Variants in DLGAP2 observed in about 807,000 individuals in gnomAD.
The protein encoded by DLGAP2 is DLG associated protein 2.
DLGAP2 carries 26 observed loss-of-function variants against 100.3 expected under a neutral mutation model. The observed-to-expected ratio is 0.26, with a 90% CI of 0.19 to 0.36. The LOEUF is 0.36. DLGAP2 is among the 10% of genes least tolerant of loss of function. The pLI is 1.00. For missense variants in DLGAP2, 1,858 were observed against 1,453.2 expected (o/e 1.28, Z -4.53); for synonymous variants, 886 against 630.1 (o/e 1.41, Z -6.08).
intron 3 of DLGAP2, among the ~76,000 whole-genome samples, chr8:1,373,178 T>C (rs1437692767): frequency 6.6e-6 from 1 of 152,170 alleles, no homozygotes. Flanking sequence ...GTTGGAGCGT[T>C]TGCATTTGCT....
intron 4 of DLGAP2, among the ~76,000 whole-genome samples, chr8:1,532,651 G>T (rs1291034176): frequency 2.0e-5 from 3 of 152,078 alleles, no homozygotes; most frequent in African/African-American, 7.2e-5. Flanking sequence ...AATTTTTAAT[G>T]TATGTATTTG....
At chr8:1,613,758 G>A (rs1797059808) in intron 6 of DLGAP2, among the ~76,000 whole-genome samples, 1 of 152,140 alleles carries the variant, frequency 6.6e-6, no homozygotes, top group African/African-American at 2.4e-5. Flanking sequence ...TACTGCTTCG[G>A]ACAGATGTAG....
chr8:1,127,772 G>A (rs1195465527), intron 2 of DLGAP2, among the ~76,000 whole-genome samples: 6 of 152,328 alleles, frequency 3.9e-5, no homozygotes, highest in South Asian at 2.1e-4. Flanking sequence ...AACTACGCCC[G>A]TTCTGTTGTA....
intron 3 of DLGAP2, among the ~76,000 whole-genome samples, chr8:1,422,879 C>T (rs577058481): frequency 3.9e-5 from 6 of 152,256 alleles, no homozygotes; most frequent in Non-Finnish European, 7.3e-5. Context: ...CAGAATCAAG[C>T]GGTGTGAGGC....
intron 8 of DLGAP2, among the ~76,000 whole-genome samples, chr8:1,660,294 C>G (rs1798380512): frequency 6.6e-6 from 1 of 152,142 alleles, no homozygotes; most frequent in Admixed American, 6.5e-5. Flanking sequence ...AAGGAAAATT[C>G]TACTAAGATC....
intron 1 of DLGAP2, among the ~76,000 whole-genome samples, chr8:899,771 C>T (rs1190534018): frequency 6.6e-6 from 1 of 152,220 alleles, no homozygotes; most frequent in Non-Finnish European, 1.5e-5. Flanking sequence ...ATGTTCTTGA[C>T]ACTCTAAAGC....
chr8:749,243 G>A (rs1417318095), intron 1 of DLGAP2, among the ~76,000 whole-genome samples: 1 of 152,140 alleles, frequency 6.6e-6, no homozygotes, highest in South Asian at 2.1e-4. Context: ...CCCCTGCCTC[G>A]GCCTCCCAAA....
At chr8:815,992 C>T (rs1012350825) in intron 1 of DLGAP2, among the ~76,000 whole-genome samples, 8 of 152,086 alleles carry the variant, frequency 5.3e-5, no homozygotes, top group African/African-American at 1.9e-4. Flanking sequence ...AATGCTGTTG[C>T]TGTAGAGTTT....
At chr8:1,104,152 G>A (rs1322802050) in intron 2 of DLGAP2, among the ~76,000 whole-genome samples, 1 of 152,226 alleles carries the variant, frequency 6.6e-6, no homozygotes, top group Non-Finnish European at 1.5e-5. Flanking sequence ...TAGGGTGAGG[G>A]GTTGCTGGTG....
chr8:1,295,746 G>A (rs1354338560), intron 3 of DLGAP2, among the ~76,000 whole-genome samples: 9 of 152,204 alleles, frequency 5.9e-5, no homozygotes, highest in East Asian at 3.8e-4. Flanking sequence ...AGGTGACGCC[G>A]GGCAGGGGAG....
At chr8:1,188,381 C>A (rs1165395063) in intron 2 of DLGAP2, among the ~76,000 whole-genome samples, 2 of 136,878 alleles carry the variant, frequency 1.5e-5, no homozygotes, top group African/African-American at 6.5e-5. Flanking sequence ...CACGGAATCT[C>A]ACACACCCGG....
chr8:1,190,523 G>A (rs749644887), intron 2 of DLGAP2, among the ~76,000 whole-genome samples: 2 of 152,108 alleles, frequency 1.3e-5, no homozygotes, highest in East Asian at 1.9e-4. Context: ...CACCCGTCCC[G>A]TTCGACGCCT....
intron 7 of DLGAP2, 50 bp downstream of exon 7, chr8:1,626,937 G>C (rs1279531177): frequency 6.5e-7 from 1 of 1,546,014 alleles, no homozygotes; most frequent in African/African-American, 1.4e-5. Flanking sequence ...CCCCAGCCAG[G>C]CTGGCACGGA....
intron 3 of DLGAP2, among the ~76,000 whole-genome samples, chr8:1,343,259 G>A (rs1324058488): frequency 6.6e-6 from 1 of 152,170 alleles, no homozygotes; most frequent in East Asian, 1.9e-4. Flanking sequence ...GCAGGGCAGG[G>A]CTCAGGACAG....
chr8:919,406 C>T (rs1798661476), intron 2 of DLGAP2, among the ~76,000 whole-genome samples: 2 of 152,184 alleles, frequency 1.3e-5, no homozygotes, highest in Admixed American at 1.3e-4. Context: ...AGGTTTTGGG[C>T]AGCGTGAGTG....
At chr8:1,478,099 A>T (rs1584941207) in intron 3 of DLGAP2, among the ~76,000 whole-genome samples, 1 of 152,174 alleles carries the variant, frequency 6.6e-6, no homozygotes, top group South Asian at 2.1e-4. Flanking sequence ...CGTCTTGCTC[A>T]TGGGAACTTA....
Position 1,456,509 on chromosome 8 carries a change from G to T in DLGAP2, c.107-44857G>T, listed in dbSNP as rs529549095. ...TGCTGAATCATAATCCAAGGATTGTGATAATGTGGTCCCAGAAAAGGCCCA... is the reference window on the plus strand; with the variant it reads ...TGCTGAATCATAATCCAAGGATTGTTATAATGTGGTCCCAGAAAAGGCCCA... On this transcript the variant is annotated intron_variant, in intron 3 of 14. Coordinates refer to ENST00000637795, the MANE Select transcript of DLGAP2 (RefSeq NM_001346810.2). Among the ~76,000 whole-genome samples, 3 of 152,294 alleles carry T rather than the reference G, an allele frequency of 2.0e-5. No individual in the cohort carries two copies. In the East Asian group the frequency reaches 5.8e-4, roughly 29 times the overall value.
chr8:879,432 A>C (rs895577191), intron 1 of DLGAP2, among the ~76,000 whole-genome samples: 17 of 152,172 alleles, frequency 1.1e-4, no homozygotes, highest in African/African-American at 3.6e-4. Context: ...TGCAGGTGTC[A>C]CTTTCCCCAG....
At chr8:1,090,763 T>C (rs1310441700) in intron 2 of DLGAP2, among the ~76,000 whole-genome samples, 1 of 152,210 alleles carries the variant, frequency 6.6e-6, no homozygotes, top group Non-Finnish European at 1.5e-5. Context: ...AGGTTGTTGT[T>C]GTTGTTGTTA....
Sources: allele counts gnomAD v4.1 joint callset (sites outside exome capture counted in the v4.1 genomes callset), GRCh38; gene constraint gnomAD v4.1.1; transcripts MANE v1.5; gene names NCBI Gene and HGNC (gene_info 2026-07-23, HGNC 2026-07-21).